SREBF1: variants seen among roughly 807,000 people sequenced by gnomAD.
SREBF1 encodes sterol regulatory element-binding protein 1.
In SREBF1, 45 loss-of-function variants were observed where a neutral mutation model predicts 100.1. The observed-to-expected ratio is 0.45, with a 90% confidence interval of 0.35 to 0.58. SREBF1 has a LOEUF of 0.58. Ranked by LOEUF, SREBF1 falls within the 20% of genes least tolerant of loss-of-function variation. The pLI, the probability that SREBF1 is intolerant of heterozygous loss-of-function variation, is 0.00. For synonymous variants in SREBF1, 657 were observed against 681.8 expected (o/e 0.96, Z 0.57); for missense variants, 1,324 against 1,539.4 (o/e 0.86, Z 2.34).
chr17:17,811,946 G>T lies in SREBF1; in HGVS notation c.*676C>A. 2.2e-6 allele frequency: 1 copy of T among 448,046 alleles called. No individual in the cohort carries two copies. The highest frequency in any genetic ancestry group is 1.6e-5 in the South Asian group (1 of 63,156). 27.8% of individuals were successfully genotyped at this position (448,046 alleles called of 1,614,324 possible). On this transcript the variant is annotated 3_prime_UTR_variant, in exon 19 of 19. Coordinates refer to ENST00000261646, the MANE Select transcript of SREBF1 (RefSeq NM_004176.5). ...TCCTCCCACTAACAAACAAACATCG[G>T]GAAGAGCTAAGTTAAAAGTTGTGTA...
chr17:17,811,435 C>T lies in SREBF1; in HGVS notation c.*1187G>A, dbSNP rs2032816339. On this transcript the variant is annotated 3_prime_UTR_variant, in exon 19 of 19. Transcript: ENST00000261646. ...AAAAAAAAAAAAGTCAATAAAGATA[C>T]AACGATTGTTTTGGAAAATCTGCAG... is the stretch of plus-strand genomic sequence containing the variant. The T allele has an allele frequency of 5.1e-6, 1 of 194,422 alleles. No homozygotes were observed. The allele number at this position is 194,422 out of a possible 1,614,324, so 12.0% of individuals were successfully genotyped here. A position where few individuals can be genotyped will look rare whatever the true frequency, so the allele number is the denominator to read the frequency against.
chr17:17,819,337 G>C lies in SREBF1; in HGVS notation c.829C>G (p.Gln277Glu), dbSNP rs979554146. 2.0e-5 allele frequency: 32 copies of C among 1,613,650 alleles called. No individual in the cohort carries two copies. The highest frequency in any genetic ancestry group is 2.6e-5 in the Non-Finnish European group (31 of 1,180,044). Residue 277 changes from glutamine to glutamate, a missense_variant, in exon 4 of 19, where the codon CAG becomes GAG. Physicochemically the swap from Gln to Glu is conservative, Grantham distance 29. Coordinates refer to ENST00000261646, the MANE Select transcript of SREBF1 (RefSeq NM_004176.5). Reference protein sequence around the residue: ...LSPLVSGTTVQTGPLPTLVSG... With the variant: ...LSPLVSGTTVETGPLPTLVSG... ...TCACCCACCGGCAAAGGCCCTGTCT[G>C]CACAGTGGTGCCAGAGACCAGGGGA...
chr17:17,835,733 A>C (rs1188264688), intron 1 of SREBF1, among the ~76,000 whole-genome samples: 1 of 152,216 alleles, frequency 6.6e-6, no homozygotes, highest in Non-Finnish European at 1.5e-5. Flanking sequence ...CCTAATTGGC[A>C]CTTGGTGCCA....
chr17:17,817,397 C>T lies in SREBF1; in HGVS notation c.1465G>A (p.Ala489Thr), dbSNP rs777452057. 2 of 1,604,078 alleles carry T rather than the reference C, an allele frequency of 1.2e-6. No individual in the cohort carries two copies. The highest frequency in any genetic ancestry group is 1.7e-6 in the Non-Finnish European group (2 of 1,175,818). The change falls in exon 8 of 19, where the codon GCC becomes ACC. Residue 489 changes from alanine (A) to threonine (T), a missense_variant. Transcript: ENST00000261646. The surrounding 1 kb of genome is among the most constrained non-coding windows in gnomAD (Gnocchi z 6.6). ...CAGAGGAAGACGAGCGTGCACAGGGCCAGGCGGGAGCGGTCCAGCATGCCC... is the reference window on the plus strand; with the variant it reads ...CAGAGGAAGACGAGCGTGCACAGGGTCAGGCGGGAGCGGTCCAGCATGCCC... ...SRGMLDRSRL[A>T]LCTLVFLCLS... is the part of the protein sequence containing the mutation.
At chr17:17,815,621 G>A in intron 12 of SREBF1, 1 of 604,346 alleles carries the variant, frequency 1.7e-6, no homozygotes. Context: ...CAGCGGCACT[G>A]CCTGGGGTCA....
chr17:17,816,122 C>A, intron 11 of SREBF1, 85 bp downstream of exon 11: 1 of 1,506,714 alleles, frequency 6.6e-7, no homozygotes, highest in South Asian at 1.2e-5. Flanking sequence ...CCCTGGTAAC[C>A]ACTGCCACAT....
At chr17:17,819,508 C>T (rs1027411669) in intron 3 of SREBF1, 30 bp downstream of exon 3, 3 of 1,613,428 alleles carry the variant, frequency 1.9e-6, no homozygotes, top group Non-Finnish European at 1.7e-6. Context: ...GGGGCTGCCC[C>T]CTCCCCAACC....
chr17:17,823,448 C>T (rs1176182906), intron 1 of SREBF1: 1 of 1,219,862 alleles, frequency 8.2e-7, no homozygotes, highest in Non-Finnish European at 1.2e-6. Context: ...GCATGCCCGC[C>T]CACCCCAGGA....
Position 17,820,416 on chromosome 17 carries a change from G to T in SREBF1, c.197C>A (p.Thr66Asn), listed in dbSNP as rs747564993. The T allele has an allele frequency of 1.2e-6, 2 of 1,613,358 alleles. No individual in the cohort carries two copies. Among genetic ancestry groups the T allele is most frequent in the South Asian group, 2.2e-5 (2 of 91,078 alleles). Reference sequence around the variant, plus strand: ...TGGAGACAAGCTGCCTGGGGAGCTGGTATCGGGGCTGGCAGGGTCTGTGCC... The same window carrying T: ...TGGAGACAAGCTGCCTGGGGAGCTGTTATCGGGGCTGGCAGGGTCTGTGCC... ...AGGTDPASPD[T>N]SSPGSLSPPP... The change falls in exon 2 of 19, where the codon ACC (threonine) becomes AAC (asparagine). Residue 66 changes from threonine (T) to asparagine (N), a missense_variant. Coordinates refer to ENST00000261646, the MANE Select transcript of SREBF1 (RefSeq NM_004176.5).
rs1567983755 is a variant in SREBF1, at chr17:17,824,716, T to C, written c.92-4195A>G. ...GCCTCTGCCTGGTCCACACCCCAGT[T>C]GGCTGCAACCTGAGAGGGTGCCTGA... On this transcript the variant is annotated intron_variant, in intron 1 of 18. Transcript: ENST00000261646. This position sits in a 1 kb window ranked among gnomAD's most constrained non-coding sequence, Gnocchi z 4.2. Among the ~76,000 whole-genome samples the C allele has an allele frequency of 1.3e-5, 2 of 152,178 alleles. No homozygotes were observed. The highest frequency in any genetic ancestry group is 4.8e-5 in the African/African-American group (2 of 41,444).
Position 17,812,176 on chromosome 17 carries a change from G to A in SREBF1, c.*446C>T, listed in dbSNP as rs539120019. ...GTAGCACAGGAGCCTCAGGTCAGGAGGCTAAGCACGCTGACCTACACTATG... is the reference window on the plus strand; with the variant it reads ...GTAGCACAGGAGCCTCAGGTCAGGAAGCTAAGCACGCTGACCTACACTATG... On this transcript the variant is annotated 3_prime_UTR_variant, in exon 19 of 19. Transcript: ENST00000261646. The A allele has an allele frequency of 3.0e-5, 13 of 428,484 alleles. No homozygotes were observed. The highest frequency in any genetic ancestry group is 2.3e-4 in the African/African-American group (11 of 47,644). 26.5% of individuals were successfully genotyped at this position (428,484 alleles called of 1,614,324 possible).
intron 15 of SREBF1, 78 bp from the exon 16 acceptor site, chr17:17,814,488 C>T (rs1160183008): frequency 3.9e-6 from 6 of 1,540,422 alleles, no homozygotes; most frequent in Middle Eastern, 1.8e-4. Flanking sequence ...TTCCCTGGCT[C>T]GAGTTCCCTG....
rs946540891 is a variant in SREBF1, at chr17:17,819,591, G to A, written c.658C>T (p.Pro220Ser). The change falls in exon 3 of 19, where the codon CCC becomes TCC. Residue 220 changes from proline (P) to serine (S), a missense_variant. By Grantham distance (74) the Pro-to-Ser change is moderately conservative. Transcript: ENST00000261646. The part of the protein sequence containing the change: ...PQQLLTVTAA[P>S]TAAPVTTTVT... The stretch of plus-strand genomic sequence containing the variant: ...GTGGTCGTTACAGGGGCTGCCGTGG[G>A]GGCAGCTGTGACTGTCAGTAGCTGC... 2 of 1,613,692 alleles carry A rather than the reference G, an allele frequency of 1.2e-6. No homozygotes were observed. The highest frequency in any genetic ancestry group is 8.5e-7 in the Non-Finnish European group (1 of 1,179,972).
intron 1 of SREBF1, among the ~76,000 whole-genome samples, chr17:17,825,598 AATTT>A (rs2034436703): frequency 7.0e-6 from 1 of 142,614 alleles, no homozygotes; most frequent in Non-Finnish European, 1.5e-5. Flanking sequence ...TCTACTGGCC[AATTT>A]CTTTTTTTTT....
rs1371408599 is a variant in SREBF1 at position 17,817,103 on chromosome 17, G to A, written c.1640C>T (p.Pro547Leu). The change falls in exon 9 of 19, where the codon CCA becomes CTA. Residue 547 changes from proline to leucine, a missense_variant. Physicochemically the swap from Pro to Leu is moderately conservative, Grantham distance 98. Coordinates refer to ENST00000261646, the MANE Select transcript of SREBF1 (RefSeq NM_004176.5). The surrounding 1 kb of genome is among the most constrained non-coding windows in gnomAD (Gnocchi z 6.6). Reference protein sequence around the residue: ...GPGWAQWLLPPVVWLLNGLLV... With the variant: ...GPGWAQWLLPLVVWLLNGLLV... Reference sequence around the variant, plus strand: ...CAGCCCATTGAGCAGCCAGACCACTGGGGGCAGCAGCCACTGGGCCCAGCC... The same window carrying A: ...CAGCCCATTGAGCAGCCAGACCACTAGGGGCAGCAGCCACTGGGCCCAGCC... The A allele has an allele frequency of 1.9e-6, 3 of 1,612,958 alleles. No individual in the cohort carries two copies. The highest frequency in any genetic ancestry group is 1.1e-5 in the South Asian group (1 of 91,082).
At chr17:17,819,273 G>T in intron 4 of SREBF1, 39 bp from the exon 5 acceptor site, 1 of 1,613,644 alleles carries the variant, frequency 6.2e-7, no homozygotes, top group Non-Finnish European at 8.5e-7. Flanking sequence ...GGGCATGTGT[G>T]TGTGTGTGTA....
chr17:17,815,451 C>T (rs888705512), intron 12 of SREBF1, 122 bp from the exon 13 acceptor site: 1 of 771,416 alleles, frequency 1.3e-6, no homozygotes, highest in Non-Finnish European at 2.2e-6. Context: ...CCGGCATGCC[C>T]CTGGGTGCAG....
At chr17:17,834,027 C>CAGAGAG (rs58189290) in intron 1 of SREBF1, among the ~76,000 whole-genome samples, 18 of 148,102 alleles carry the variant, frequency 1.2e-4, no homozygotes, top group East Asian at 7.8e-4. Flanking sequence ...TATAAACACA[C>CAGAGAG]AGAGAGAGAG....
Position 17,814,376 on chromosome 17 carries a change from TG to T in SREBF1, c.2769del (p.Phe923LeufsTer20). ...CAGCCCAGCAGGGCCCGGGCAGCCTTGAAGGAGTGCAGAGCTGCCCTGGGCA... is the reference window on the plus strand; with the variant it reads ...CAGCCCAGCAGGGCCCGGGCAGCCTTAAGGAGTGCAGAGCTGCCCTGGGCA... Reference protein sequence around the residue: ...RPLPRAALHSFKAARALLGCA... With the variant: ...RPLPRAALHSXKAARALLGCA... On this transcript the variant is annotated frameshift_variant, in exon 16 of 19. Coordinates refer to ENST00000261646, the MANE Select transcript of SREBF1 (RefSeq NM_004176.5). LOFTEE classifies it high-confidence loss of function. 6.4e-7 allele frequency: 1 copy of T among 1,565,196 alleles called. No individual in the cohort carries two copies. Among genetic ancestry groups the T allele is most frequent in the Non-Finnish European group, 8.7e-7 (1 of 1,154,766 alleles).
Sources: gnomAD v4.1 joint callset for allele counts (sites outside exome capture counted in the v4.1 genomes callset) on GRCh38, gnomAD v4.1.1 for gene constraint, Gnocchi (gnomAD v3.1) non-coding constraint, MANE v1.5 for transcripts, NCBI Gene and HGNC (gene_info 2026-07-23, HGNC 2026-07-21) for gene names.